The following GDAP2 variants were observed in gnomAD, a reference collection of about 807,000 sequenced individuals.
GDAP2 encodes the protein ganglioside-induced differentiation-associated protein 2.
A neutral mutation model predicts 67.0 loss-of-function variants in GDAP2; 51 were observed. The observed-to-expected ratio is 0.76, with a 90% CI of 0.61 to 0.96. The LOEUF is 0.96. GDAP2 is among the 40% of genes least tolerant of loss of function. The pLI is 0.00. For synonymous variants in GDAP2, 203 were observed against 207.3 expected (o/e 0.98, Z 0.18); for missense variants, 547 against 588.3 (o/e 0.93, Z 0.73).
chr1:117,894,716 A>G (rs1386843352), intron 8 of GDAP2, among the ~76,000 whole-genome samples: 4 of 152,188 alleles, frequency 2.6e-5, no homozygotes, highest in Non-Finnish European at 4.4e-5. Context: ...TCAAAGAATG[A>G]CTGGCAAACT....
Position 117,886,559 on chromosome 1 carries a change from A to G in GDAP2, c.1107+18T>C. Reference sequence around the variant, plus strand: ...TCAATCAACATTGTTTGTAAAACAGAGCCTTTTTATGGCTTACCTTGTCCA... The same window carrying G: ...TCAATCAACATTGTTTGTAAAACAGGGCCTTTTTATGGCTTACCTTGTCCA... On this transcript the variant is annotated intron_variant, in intron 10 of 13. Coordinates refer to ENST00000369443, the MANE Select transcript of GDAP2 (RefSeq NM_017686.4). 5 of 1,278,902 alleles carry G rather than the reference A, an allele frequency of 3.9e-6. No individual in the cohort carries two copies. Among genetic ancestry groups the G allele is most frequent in the South Asian group, 1.2e-5 (1 of 84,122 alleles). 79.2% of individuals were successfully genotyped at this position (1,278,902 alleles called of 1,614,324 possible). A position where few individuals can be genotyped will look rare whatever the true frequency, so the allele number is the denominator to read the frequency against.
intron 3 of GDAP2, among the ~76,000 whole-genome samples, chr1:117,918,042 T>C (rs1650110099): frequency 6.6e-6 from 1 of 152,228 alleles, no homozygotes; most frequent in South Asian, 2.1e-4. Context: ...AATATTTTTA[T>C]TAGGTTAGAA....
intron 12 of GDAP2, among the ~76,000 whole-genome samples, chr1:117,879,075 C>A (rs990675796): frequency 2.0e-5 from 3 of 152,094 alleles, no homozygotes. Context: ...TGGAGCAGTG[C>A]AATATTGGAG....
Position 117,869,821 on chromosome 1 carries a change from T to A in GDAP2, c.*748A>T, listed in dbSNP as rs112858106. ...TCTTGGAAGATGCTCTTAAGAGTAC[T>A]AATATGTGCGGTCCTTTTGAATAAG... On this transcript the variant is annotated 3_prime_UTR_variant, in exon 14 of 14. Transcript: ENST00000369443. 1 of 152,494 alleles carries A rather than the reference T, an allele frequency of 6.6e-6. No homozygotes were observed. Among genetic ancestry groups the A allele is most frequent in the African/African-American group, 2.4e-5 (1 of 41,568 alleles). The allele number at this position is 152,494 out of a possible 1,614,324, so 9.4% of individuals were successfully genotyped here.
intron 12 of GDAP2, 137 bp from the exon 13 acceptor site, chr1:117,878,289 A>C: frequency 7.5e-6 from 4 of 532,944 alleles, no homozygotes; most frequent in Non-Finnish European, 1.3e-5. Context: ...GCGCAATCTG[A>C]ATTTTGCAAT....
rs917033776 is a variant in GDAP2, at chr1:117,867,911, T to C, written c.*2658A>G. On this transcript the variant is annotated 3_prime_UTR_variant, in exon 14 of 14. Coordinates refer to ENST00000369443, the MANE Select transcript of GDAP2 (RefSeq NM_017686.4). Reference sequence around the variant, plus strand: ...ATACACGTGGAAGCAAGAAGTGTACTTGTTTTAAAAATCATATTATGCCTT... The same window carrying C: ...ATACACGTGGAAGCAAGAAGTGTACCTGTTTTAAAAATCATATTATGCCTT... The C allele has an allele frequency of 6.6e-6, 1 of 152,230 alleles. No individual in the cohort carries two copies. Among genetic ancestry groups the C allele is most frequent in the African/African-American group, 2.4e-5 (1 of 41,462 alleles). 9.4% of individuals were successfully genotyped at this position (152,230 alleles called of 1,614,324 possible). A position where few individuals can be genotyped will look rare whatever the true frequency, so the allele number is the denominator to read the frequency against.
At chr1:117,877,397 C>CTT (rs766967744) in intron 13 of GDAP2, 172 of 828,502 alleles carry the variant, frequency 2.1e-4, no homozygotes, top group Non-Finnish European at 2.3e-4. Flanking sequence ...AAGTGTGTTA[C>CTT]TTTTTTTTTT....
At chr1:117,917,760 T>C (rs1383379770) in intron 3 of GDAP2, among the ~76,000 whole-genome samples, 1 of 152,252 alleles carries the variant, frequency 6.6e-6, no homozygotes. Context: ...CTAGCTCTTA[T>C]GTGTATGTAA....
At chr1:117,922,282 A>G (rs886971328) in intron 1 of GDAP2, among the ~76,000 whole-genome samples, 1 of 152,214 alleles carries the variant, frequency 6.6e-6, no homozygotes, top group Non-Finnish European at 1.5e-5. Flanking sequence ...GAGTCCTACA[A>G]CAAAACTTAG....
At chr1:117,893,027 CA>C (rs1350178754) in intron 8 of GDAP2, among the ~76,000 whole-genome samples, 1 of 152,112 alleles carries the variant, frequency 6.6e-6, no homozygotes, top group Non-Finnish European at 1.5e-5. Flanking sequence ...AAGCTCCATG[CA>C]GGCGGGTGCT....
At chr1:117,877,445 T>C (rs540025355) in intron 13 of GDAP2, 2 of 972,518 alleles carry the variant, frequency 2.1e-6, no homozygotes, top group Admixed American at 6.2e-5. Flanking sequence ...ATAAACACAA[T>C]AGAATAAATT....
In GDAP2 at chr1:117,920,292, T is replaced by C. The variant is rs35307065; in HGVS notation, c.66A>G (p.Ser22=). ...DVDTLPSWGD[S]CQDELNSSDT... is the part of the protein sequence containing the mutation. The stretch of plus-strand genomic sequence containing the variant: ...CAGAGGAATTTAATTCATCTTGGCA[T>C]GAGTCACCCCAGCTTGGTAGTGTAT... The change falls in exon 2 of 14, where the codon TCA becomes TCG. Residue 22 remains serine (S), a synonymous_variant. Coordinates refer to ENST00000369443, the MANE Select transcript of GDAP2 (RefSeq NM_017686.4). The C allele has an allele frequency of 6.1e-4, 985 of 1,610,456 alleles. 8 individuals carry two copies. The African/African-American group carries it at 0.012, about 20-fold the overall frequency.
chr1:117,925,784 TG>T (rs1650422042), intron 1 of GDAP2, among the ~76,000 whole-genome samples: 2 of 152,196 alleles, frequency 1.3e-5, no homozygotes, highest in Non-Finnish European at 2.9e-5. Flanking sequence ...CTAAGATTAT[TG>T]TGAGCATTCA....
At chr1:117,900,832 G>T (rs1041483215) in intron 6 of GDAP2, among the ~76,000 whole-genome samples, 1 of 150,808 alleles carries the variant, frequency 6.6e-6, no homozygotes, top group African/African-American at 2.4e-5. Flanking sequence ...AGGCCGAGGC[G>T]GACAGATCAC....
At chr1:117,909,880 C>A (rs1396476973) in intron 5 of GDAP2, among the ~76,000 whole-genome samples, 1 of 152,112 alleles carries the variant, frequency 6.6e-6, no homozygotes, top group African/African-American at 2.4e-5. Context: ...GTCTTCTTAA[C>A]CCCCTATTCA....
intron 6 of GDAP2, among the ~76,000 whole-genome samples, chr1:117,903,701 G>T (rs1005037752): frequency 6.6e-6 from 1 of 152,154 alleles, no homozygotes; most frequent in Non-Finnish European, 1.5e-5. Flanking sequence ...ATTCATAAGA[G>T]ATATTGCTCT....
chr1:117,864,099 T>A lies in GDAP2; in HGVS notation c.*6470A>T, dbSNP rs1337336740. 1 of 152,238 alleles carries A rather than the reference T, an allele frequency of 6.6e-6. No individual in the cohort carries two copies. Among genetic ancestry groups the A allele is most frequent in the African/African-American group, 2.4e-5 (1 of 41,470 alleles). 9.4% of individuals were successfully genotyped at this position (152,238 alleles called of 1,614,324 possible). A position where few individuals can be genotyped will look rare whatever the true frequency, so the allele number is the denominator to read the frequency against. On this transcript the variant is annotated 3_prime_UTR_variant, in exon 14 of 14. Transcript: ENST00000369443. ...ATGCAAAATCCTTGTGGAGTATATA[T>A]GTGTTGGGTGTAGGAAAGTGCCCAT...
In GDAP2 at chr1:117,867,705, A is replaced by AAAAAAG. The variant is rs1648124913; in HGVS notation, c.*2858_*2863dup. On this transcript the variant is annotated 3_prime_UTR_variant, in exon 14 of 14. Coordinates refer to ENST00000369443, the MANE Select transcript of GDAP2 (RefSeq NM_017686.4). ...TGACAGAGTAAGACTGTCTCCAAAA[A>AAAAAAG]AAAAAGAAAAAGAAAAAGGAAATAT... 6.6e-6 allele frequency: 1 copy of AAAAAAG among 152,040 alleles called. No individual in the cohort carries two copies. Among genetic ancestry groups the AAAAAAG allele is most frequent in the Admixed American group, 6.6e-5 (1 of 15,246 alleles). 9.4% of individuals were successfully genotyped at this position (152,040 alleles called of 1,614,324 possible).
intron 10 of GDAP2, among the ~76,000 whole-genome samples, chr1:117,884,117 T>C (rs1648766377): frequency 6.6e-6 from 1 of 152,174 alleles, no homozygotes; most frequent in Non-Finnish European, 1.5e-5. Flanking sequence ...TATAAAAAGA[T>C]GTAATGAGTG....
Sources: allele counts gnomAD v4.1 joint callset (sites outside exome capture counted in the v4.1 genomes callset), GRCh38; gene constraint gnomAD v4.1.1; transcripts MANE v1.5; gene names NCBI Gene and HGNC (gene_info 2026-07-23, HGNC 2026-07-21).